NCOR1: variants seen among roughly 807,000 people sequenced by gnomAD.
The protein encoded by NCOR1 is protein phosphatase 1, regulatory subunit 109.
In NCOR1, 63 loss-of-function variants were observed where a neutral mutation model predicts 288.1. The ratio of observed to expected loss-of-function variants is 0.22; its 90% CI spans 0.18 to 0.27. The LOEUF (loss-of-function observed/expected upper bound fraction) is 0.27. Among genes scored for constraint, NCOR1 ranks in the 10% least tolerant of loss-of-function variants. The pLI is 1.00. For synonymous variants in NCOR1, 1,007 were observed against 1,065.9 expected, an observed-to-expected ratio of 0.94 and a Z score of 1.08; for missense variants, 2,397 against 3,019.2, an observed-to-expected ratio of 0.79 and a Z score of 4.83.
chr17:16,062,306 A>G (rs764201770), intron 35 of NCOR1, 36 bp from the exon 36 acceptor site: 13 of 1,550,654 alleles, frequency 8.4e-6, no homozygotes, highest in Non-Finnish European at 1.0e-5. Context: ...ACAAAGACAT[A>G]AGGAGGAAGC....
At chr17:16,110,357 AAAAAC>A (rs894852533) in intron 18 of NCOR1, among the ~76,000 whole-genome samples, 1 of 152,120 alleles carries the variant, frequency 6.6e-6, no homozygotes, top group Non-Finnish European at 1.5e-5. Flanking sequence ...CGTTCAAAAA[AAAAAC>A]AAAAAACAAA....
At chr17:16,106,579 C>T (rs558991541) in intron 19 of NCOR1, among the ~76,000 whole-genome samples, 3 of 152,128 alleles carry the variant, frequency 2.0e-5, no homozygotes, top group East Asian at 3.9e-4. Flanking sequence ...GATAGAGGAA[C>T]CCTCCCTTCA....
chr17:16,080,926 G>C (rs1458297484), intron 23 of NCOR1, among the ~76,000 whole-genome samples, 199 bp from the exon 24 acceptor site: 5 of 151,432 alleles, frequency 3.3e-5, no homozygotes, highest in African/African-American at 1.2e-4. Flanking sequence ...AATTTTAAAG[G>C]GAGTAGGATA....
At chr17:16,113,444 C>T (rs747249431) in intron 18 of NCOR1, among the ~76,000 whole-genome samples, 16 of 152,048 alleles carry the variant, frequency 1.1e-4, no homozygotes, top group Non-Finnish European at 2.2e-4. Flanking sequence ...ACAGATATGT[C>T]GTTGGAAAAG....
intron 30 of NCOR1, 88 bp downstream of exon 30, chr17:16,071,321 A>C: frequency 1.3e-6 from 2 of 1,517,960 alleles, no homozygotes; most frequent in Non-Finnish European, 1.8e-6. Context: ...GTCTGACATC[A>C]TAAGAACCAC....
At chr17:16,166,497 G>T (rs2082027949) in intron 4 of NCOR1, among the ~76,000 whole-genome samples, 1 of 152,038 alleles carries the variant, frequency 6.6e-6, no homozygotes, top group African/African-American at 2.4e-5. Flanking sequence ...TAACCAACAT[G>T]GTGAAACCCC....
At position 16,039,466 on chromosome 17, in the gene NCOR1, G is replaced by T; in HGVS notation, c.6922C>A (p.Arg2308=). 5.0e-6 allele frequency: 8 copies of T among 1,613,968 alleles called. No homozygotes were observed. The highest frequency in any genetic ancestry group is 6.8e-6 in the Non-Finnish European group (8 of 1,180,000). The change falls in exon 44 of 46, where the codon CGA becomes AGA. Residue 2308 remains arginine, a synonymous_variant. Coordinates refer to ENST00000268712, the MANE Select transcript of NCOR1 (RefSeq NM_006311.4). Reference sequence around the variant, plus strand: ...GGTGATGGGTCCCCTTCCTCTCTTCGTGTCTCACCACTGGTCACAACTGAG... The same window carrying T: ...GGTGATGGGTCCCCTTCCTCTCTTCTTGTCTCACCACTGGTCACAACTGAG... ...NTSVVTSGET[R]REEGDPSPHS... is the part of the protein sequence containing the mutation.
At chr17:16,212,170 C>T (rs748123494) in intron 1 of NCOR1, among the ~76,000 whole-genome samples, 9 of 151,900 alleles carry the variant, frequency 5.9e-5, no homozygotes, top group Non-Finnish European at 7.4e-5. Flanking sequence ...GAGGCTGAGG[C>T]AGGAGAATCA....
intron 3 of NCOR1, among the ~76,000 whole-genome samples, chr17:16,183,399 A>C (rs2085955151): frequency 2.0e-5 from 3 of 152,068 alleles, no homozygotes; most frequent in Admixed American, 2.0e-4. Flanking sequence ...GAATCCAGTA[A>C]AGTTGCAGGA....
intron 21 of NCOR1, among the ~76,000 whole-genome samples, chr17:16,093,072 C>T (rs2065700279): frequency 6.6e-6 from 1 of 152,082 alleles, no homozygotes. Flanking sequence ...TCTACTTCCT[C>T]AAGACACTTT....
At chr17:16,154,342 A>T (rs543770681) in intron 6 of NCOR1, among the ~76,000 whole-genome samples, 14 of 152,334 alleles carry the variant, frequency 9.2e-5, no homozygotes, top group Admixed American at 9.2e-4. Flanking sequence ...AAGTCTACAG[A>T]TAGAAGTAAA....
At chr17:16,174,649 A>C (rs977529787) in intron 3 of NCOR1, among the ~76,000 whole-genome samples, 8 of 152,344 alleles carry the variant, frequency 5.3e-5, no homozygotes, top group Non-Finnish European at 1.0e-4. Context: ...TCAGCCATAA[A>C]TAAATATATA....
chr17:16,127,601 A>G (rs1047550865), intron 14 of NCOR1, among the ~76,000 whole-genome samples: 4 of 141,482 alleles, frequency 2.8e-5, no homozygotes, highest in Admixed American at 7.0e-5. Context: ...ATGTATGTAT[A>G]CATACATATG....
chr17:16,156,125 A>G (rs1388845128), intron 6 of NCOR1, among the ~76,000 whole-genome samples: 1 of 152,130 alleles, frequency 6.6e-6, no homozygotes, highest in African/African-American at 2.4e-5. Flanking sequence ...ACTGTCTGTT[A>G]GAAAGAAAAG....
chr17:16,199,217 ACAC>A (rs1221967618), intron 1 of NCOR1, among the ~76,000 whole-genome samples: 4 of 41,028 alleles, frequency 9.7e-5, no homozygotes, highest in Non-Finnish European at 2.2e-4. Flanking sequence ...AAAAAAAAAA[ACAC>A]ACACACACAC....
rs144899851 is a variant in NCOR1 at position 16,201,104 on chromosome 17, C to T, written c.-70-6465G>A. Among the ~76,000 whole-genome samples, 700 of 152,308 alleles carry T rather than the reference C, an allele frequency of 4.6e-3. 5 individuals carry two copies. The highest frequency in any genetic ancestry group is 0.016 in the African/African-American group (660 of 41,566). On this transcript the variant is annotated intron_variant, in intron 1 of 45. Transcript: ENST00000268712. Reference sequence around the variant, plus strand: ...CTCAGCCTTTTGGTTAAGATCCAATCTGGGAGAATGCCATTAACAAGGTAT... The same window carrying T: ...CTCAGCCTTTTGGTTAAGATCCAATTTGGGAGAATGCCATTAACAAGGTAT...
At chr17:16,064,827 C>A in intron 34 of NCOR1, 43 bp downstream of exon 34, 1 of 1,486,976 alleles carries the variant, frequency 6.7e-7, no homozygotes, top group Non-Finnish European at 9.0e-7. Flanking sequence ...AAAATGTAAA[C>A]ATGATGGTTC....
At chr17:16,148,337 A>G (rs1025001971) in intron 9 of NCOR1, among the ~76,000 whole-genome samples, 5 of 152,080 alleles carry the variant, frequency 3.3e-5, no homozygotes, top group African/African-American at 1.2e-4. Flanking sequence ...CATAATTCCT[A>G]TCTGCCTTAG....
At chr17:16,172,648 G>A (rs1008128746) in intron 3 of NCOR1, among the ~76,000 whole-genome samples, 3 of 152,286 alleles carry the variant, frequency 2.0e-5, no homozygotes, top group Middle Eastern at 3.4e-3. Context: ...GTCTCTTGAG[G>A]AGAAATCCAA....
Sources: allele counts gnomAD v4.1 joint callset (sites outside exome capture counted in the v4.1 genomes callset), GRCh38; gene constraint gnomAD v4.1.1; transcripts MANE v1.5; gene names NCBI Gene and HGNC (gene_info 2026-07-23, HGNC 2026-07-21).